Variants in PDZRN3 observed in about 807,000 individuals in gnomAD.
PDZRN3 encodes PDZ domain containing ring finger 3.
A neutral mutation model predicts 85.7 loss-of-function variants in PDZRN3; 38 were observed. The observed-to-expected ratio is 0.44, with a 90% CI of 0.34 to 0.58. The LOEUF is 0.58. PDZRN3 is among the 20% of genes least tolerant of loss of function. PDZRN3 has a pLI of 0.01. For synonymous variants in PDZRN3, 759 were observed against 638.0 expected (o/e 1.19, Z -2.86); for missense variants, 1,629 against 1,506.4 (o/e 1.08, Z -1.35).
intron 3 of PDZRN3, among the ~76,000 whole-genome samples, chr3:73,519,145 A>G (rs950495884): frequency 2.6e-5 from 4 of 152,146 alleles, no homozygotes; most frequent in Non-Finnish European, 5.9e-5. Context: ...GGCCACACCC[A>G]CCTGGAAGCC....
At chr3:73,517,855 G>A (rs917794803) in intron 3 of PDZRN3, among the ~76,000 whole-genome samples, 2 of 152,186 alleles carry the variant, frequency 1.3e-5, no homozygotes, top group Non-Finnish European at 2.9e-5. Context: ...AAGTTTCTTT[G>A]ATGTGGGATA....
In PDZRN3 at chr3:73,471,637, C is replaced by T. The variant is rs181790333; in HGVS notation, c.919-67242G>A. Among the ~76,000 whole-genome samples, 68 of 152,276 alleles carry T rather than the reference C, an allele frequency of 4.5e-4. 1 individual carries two copies. The East Asian group carries it at 5.0e-3, about 11-fold the overall frequency. ...TAGCAGCTGGGCCCAGTCAGCCTTCCCTACTGGTTTTGCCCTCAAGGAGGG... is the reference window on the plus strand; with the variant it reads ...TAGCAGCTGGGCCCAGTCAGCCTTCTCTACTGGTTTTGCCCTCAAGGAGGG... On this transcript the variant is annotated intron_variant, in intron 3 of 9. Coordinates refer to ENST00000263666, the MANE Select transcript of PDZRN3 (RefSeq NM_015009.3).
At chr3:73,385,253 AACTCAATAAGG>A (rs1254094114) in intron 9 of PDZRN3, among the ~76,000 whole-genome samples, 1 of 152,338 alleles carries the variant, frequency 6.6e-6, no homozygotes, top group East Asian at 1.9e-4. Flanking sequence ...GTCCTTGTTC[AACTCAATAAGG>A]ACTCAATAAG....
chr3:73,608,781 T>G, intron 1 of PDZRN3, 97 bp from the exon 2 acceptor site: 1 of 722,936 alleles, frequency 1.4e-6, no homozygotes, highest in South Asian at 1.7e-5. Flanking sequence ...ACTACTCAGC[T>G]AATCATTACA....
chr3:73,408,789 T>A (rs1211214177), intron 3 of PDZRN3, among the ~76,000 whole-genome samples: 1 of 152,188 alleles, frequency 6.6e-6, no homozygotes, highest in Non-Finnish European at 1.5e-5. Context: ...ACTGTCATCT[T>A]GGAATCACAT....
intron 3 of PDZRN3, among the ~76,000 whole-genome samples, chr3:73,511,712 C>T (rs555752581): frequency 3.3e-5 from 5 of 152,282 alleles, no homozygotes; most frequent in South Asian, 2.1e-4. Context: ...TGCTGGCAAA[C>T]GGCTAACAAA....
chr3:73,465,447 GAGA>G (rs1334986593), intron 3 of PDZRN3, among the ~76,000 whole-genome samples: 4 of 152,118 alleles, frequency 2.6e-5, no homozygotes, highest in Non-Finnish European at 5.9e-5. Flanking sequence ...TGCAGAATTA[GAGA>G]AGATTTGGAA....
intron 1 of PDZRN3, among the ~76,000 whole-genome samples, chr3:73,612,391 C>A (rs1702698171): frequency 6.6e-6 from 1 of 152,164 alleles, no homozygotes; most frequent in African/African-American, 2.4e-5. Flanking sequence ...AAAGACTGAG[C>A]CTGGCATGAA....
intron 3 of PDZRN3, among the ~76,000 whole-genome samples, chr3:73,431,300 T>C (rs987747794): frequency 6.6e-5 from 10 of 152,216 alleles, no homozygotes; most frequent in East Asian, 3.9e-4. Context: ...TTGTTCTGCA[T>C]CATTAAGCTC....
chr3:73,386,961 AC>A (rs1212546870), intron 8 of PDZRN3, among the ~76,000 whole-genome samples: 3 of 152,048 alleles, frequency 2.0e-5, no homozygotes, highest in Non-Finnish European at 2.9e-5. Flanking sequence ...TGTGCGAGGG[AC>A]CTCGTGGGAG....
chr3:73,496,963 G>C (rs879264270), intron 3 of PDZRN3, among the ~76,000 whole-genome samples: 1 of 152,134 alleles, frequency 6.6e-6, no homozygotes, highest in African/African-American at 2.4e-5. Flanking sequence ...CAAATGGCAG[G>C]GTTTTGAGAT....
intron 3 of PDZRN3, among the ~76,000 whole-genome samples, chr3:73,417,867 T>C (rs1043747512): frequency 3.3e-5 from 5 of 152,158 alleles, no homozygotes; most frequent in Non-Finnish European, 5.9e-5. Flanking sequence ...CTGTGAGAAA[T>C]TGGTGCAGAT....
intron 3 of PDZRN3, among the ~76,000 whole-genome samples, chr3:73,496,571 T>A (rs1575691086): frequency 6.7e-6 from 1 of 150,242 alleles, no homozygotes; most frequent in Non-Finnish European, 1.5e-5. Context: ...AAAGAGGACT[T>A]AAAAAAAAAC....
chr3:73,479,369 C>G, intron 3 of PDZRN3, among the ~76,000 whole-genome samples: 1 of 148,584 alleles, frequency 6.7e-6, no homozygotes, highest in South Asian at 2.1e-4. Flanking sequence ...TCCTTTTTGC[C>G]AGCATACACC....
intron 3 of PDZRN3, among the ~76,000 whole-genome samples, chr3:73,448,056 G>C (rs1255937883): frequency 1.3e-5 from 2 of 152,132 alleles, no homozygotes; most frequent in East Asian, 3.9e-4. Flanking sequence ...TACTGCCAGT[G>C]GGAGTTCAAC....
intron 3 of PDZRN3, among the ~76,000 whole-genome samples, chr3:73,478,196 G>T (rs1306133707): frequency 1.3e-5 from 2 of 152,174 alleles, no homozygotes; most frequent in Non-Finnish European, 2.9e-5. Flanking sequence ...ACTGGTACCA[G>T]TCTGTGGCCT....
chr3:73,469,675 C>T (rs891268796), intron 3 of PDZRN3, among the ~76,000 whole-genome samples: 7 of 152,194 alleles, frequency 4.6e-5, no homozygotes, highest in African/African-American at 1.4e-4. Context: ...GCAATGTACT[C>T]ATCAAACGCT....
At chr3:73,566,466 C>A (rs1378898172) in intron 3 of PDZRN3, among the ~76,000 whole-genome samples, 1 of 152,154 alleles carries the variant, frequency 6.6e-6, no homozygotes, top group Non-Finnish European at 1.5e-5. Flanking sequence ...AACAAAAGAA[C>A]CACTCCTTTG....
intron 3 of PDZRN3, among the ~76,000 whole-genome samples, chr3:73,597,667 C>T (rs950803147): frequency 6.6e-6 from 1 of 151,712 alleles, no homozygotes; most frequent in Admixed American, 6.6e-5. Context: ...ATGTGGATGG[C>T]CTCTACAAGT....
Sources: gnomAD v4.1 joint callset for allele counts (sites outside exome capture counted in the v4.1 genomes callset) on GRCh38, gnomAD v4.1.1 for gene constraint, MANE v1.5 for transcripts, NCBI Gene and HGNC (gene_info 2026-07-23, HGNC 2026-07-21) for gene names.